The following COL28A1 variants were observed in gnomAD, a reference collection of about 807,000 sequenced individuals.
COL28A1 encodes the protein collagen alpha-1(XXVIII) chain.
Under a neutral mutation model 150.2 loss-of-function variants are expected in COL28A1, and 161 were observed. That is an observed-to-expected ratio of 1.07 (90% CI 0.94 to 1.22). The LOEUF is 1.22. COL28A1 is among the 50% of genes most tolerant of loss of function. The pLI, the probability that COL28A1 is intolerant of heterozygous loss-of-function variation, is 0.00. For missense variants in COL28A1, 1,617 were observed against 1,388.3 expected, an observed-to-expected ratio of 1.16 and a Z score of -2.62; for synonymous variants, 552 against 469.7, an observed-to-expected ratio of 1.18 and a Z score of -2.26.
chr7:7,465,102 G>T (rs1787956107), intron 15 of COL28A1, among the ~76,000 whole-genome samples: 2 of 150,728 alleles, frequency 1.3e-5, no homozygotes, highest in Non-Finnish European at 3.0e-5. Context: ...CGGGGGAGGA[G>T]CCAAGATGGC....
At chr7:7,436,972 A>T (rs1436323611) in intron 22 of COL28A1, among the ~76,000 whole-genome samples, 3 of 152,204 alleles carry the variant, frequency 2.0e-5, no homozygotes, top group African/African-American at 7.2e-5. Context: ...CAAGAAGTGG[A>T]GGTTGCAGTG....
chr7:7,374,913 T>C (rs1487344224), intron 31 of COL28A1, among the ~76,000 whole-genome samples: 1 of 152,210 alleles, frequency 6.6e-6, no homozygotes, highest in Non-Finnish European at 1.5e-5. Flanking sequence ...CTAATTTCTT[T>C]ACTTCCTCTT....
intron 15 of COL28A1, among the ~76,000 whole-genome samples, chr7:7,462,285 A>G (rs1033860405): frequency 1.3e-5 from 2 of 152,208 alleles, no homozygotes; most frequent in African/African-American, 4.8e-5. Flanking sequence ...AGAAGGAAAC[A>G]GAAAACCAAC....
intron 25 of COL28A1, among the ~76,000 whole-genome samples, chr7:7,426,169 A>C (rs1453907024): frequency 1.3e-5 from 2 of 152,362 alleles, no homozygotes; most frequent in Non-Finnish European, 1.5e-5. Flanking sequence ...ATGGTACTCT[A>C]AAGATTCTGC....
chr7:7,440,347 T>C (rs1008643363), intron 21 of COL28A1, among the ~76,000 whole-genome samples: 1 of 152,252 alleles, frequency 6.6e-6, no homozygotes, highest in African/African-American at 2.4e-5. Context: ...CTTCTTTCTA[T>C]AATTGAAGCG....
At chr7:7,534,196 C>A (rs1782520766) in intron 1 of COL28A1, among the ~76,000 whole-genome samples, 1 of 152,138 alleles carries the variant, frequency 6.6e-6, no homozygotes, top group African/African-American at 2.4e-5. Flanking sequence ...ATTAAAAGAA[C>A]TTTGGATAGG....
chr7:7,358,443 AGCC>A lies in COL28A1; in HGVS notation c.*187_*189del. 1 of 486,302 alleles carries A rather than the reference AGCC, an allele frequency of 2.1e-6. No individual in the cohort carries two copies. The highest frequency in any genetic ancestry group is 4.2e-5 in the South Asian group (1 of 23,828). The allele number at this position is 486,302 out of a possible 1,614,324, so 30.1% of individuals were successfully genotyped here. On this transcript the variant is annotated 3_prime_UTR_variant, in exon 35 of 35. Coordinates refer to ENST00000399429, the MANE Select transcript of COL28A1 (RefSeq NM_001037763.3). ...GTTGACAAGTTACTAAACTTCTCAG[AGCC>A]TCAGCTTTCTTACCTATATAAGTGG... is the stretch of plus-strand genomic sequence containing the variant.
chr7:7,523,394 A>G (rs2115211661), intron 4 of COL28A1, among the ~76,000 whole-genome samples: 1 of 151,730 alleles, frequency 6.6e-6, no homozygotes, highest in South Asian at 2.1e-4. Flanking sequence ...TCCTGACCTC[A>G]TGATCCACCT....
intron 22 of COL28A1, 137 bp from the exon 23 acceptor site, chr7:7,436,600 A>G: frequency 1.6e-6 from 1 of 642,540 alleles, no homozygotes; most frequent in South Asian, 2.0e-5. Context: ...TATTCTTCAA[A>G]CATATTTGAG....
intron 1 of COL28A1, among the ~76,000 whole-genome samples, chr7:7,533,401 A>G (rs748389249): frequency 1.3e-5 from 2 of 152,082 alleles, no homozygotes; most frequent in Non-Finnish European, 2.9e-5. Flanking sequence ...TACTACACAC[A>G]TAACTTCAGT....
chr7:7,501,400 G>A (rs1780516380), intron 11 of COL28A1, among the ~76,000 whole-genome samples: 1 of 152,136 alleles, frequency 6.6e-6, no homozygotes, highest in Admixed American at 6.5e-5. Context: ...CTAATGCTGG[G>A]GTACTTCGAA....
chr7:7,490,400 C>T (rs756870822), intron 12 of COL28A1, among the ~76,000 whole-genome samples, 178 bp downstream of exon 12: 1 of 152,166 alleles, frequency 6.6e-6, no homozygotes, highest in Non-Finnish European at 1.5e-5. Flanking sequence ...GTTAATTATT[C>T]TTGTGGTAAC....
At chr7:7,354,227 C>A (rs116666097), downstream of COL28A1, among the ~76,000 whole-genome samples, 2,960 of 152,094 alleles carry the variant, frequency 0.019, 75 homozygotes, top group African/African-American at 0.061. Context: ...CTTCTGGGCT[C>A]AAGCGATCTG....
At chr7:7,396,213 C>T (rs1182308340) in intron 27 of COL28A1, among the ~76,000 whole-genome samples, 1 of 152,182 alleles carries the variant, frequency 6.6e-6, no homozygotes, top group Non-Finnish European at 1.5e-5. Context: ...CTCCTTCCCC[C>T]TGAAGTTCTG....
the COL28A1 span, among the ~76,000 whole-genome samples, chr7:7,543,053 T>C: frequency 6.6e-6 from 1 of 152,166 alleles, no homozygotes; most frequent in African/African-American, 2.4e-5. Context: ...AGAAATGTTA[T>C]TGATAAAGAA....
chr7:7,409,829 G>C (rs1338711592), intron 27 of COL28A1, among the ~76,000 whole-genome samples: 1 of 152,202 alleles, frequency 6.6e-6, no homozygotes, highest in East Asian at 1.9e-4. Flanking sequence ...GACTGTCACT[G>C]TCATCACACA....
intron 5 of COL28A1, among the ~76,000 whole-genome samples, chr7:7,521,351 A>C (rs1781714165): frequency 6.6e-6 from 1 of 152,220 alleles, no homozygotes; most frequent in South Asian, 2.1e-4. Context: ...CTTATCAAAC[A>C]ATGAATCATC....
chr7:7,458,146 G>A (rs559567348), intron 15 of COL28A1, among the ~76,000 whole-genome samples: 216 of 152,292 alleles, frequency 1.4e-3, no homozygotes, highest in African/African-American at 5.1e-3. Context: ...GCTGGGCGCC[G>A]TGGCTCACGC....
chr7:7,376,847 C>T (rs1340992846), intron 30 of COL28A1, among the ~76,000 whole-genome samples: 1 of 152,118 alleles, frequency 6.6e-6, no homozygotes, highest in African/African-American at 2.4e-5. Flanking sequence ...CATTTAAAGG[C>T]TCTGCGATAC....
Sources: gnomAD v4.1 joint callset for allele counts (sites outside exome capture counted in the v4.1 genomes callset) on GRCh38, gnomAD v4.1.1 for gene constraint, MANE v1.5 for transcripts, NCBI Gene and HGNC (gene_info 2026-07-23, HGNC 2026-07-21) for gene names.